The following DEFB1 variants were observed in gnomAD, a reference collection of about 807,000 sequenced individuals.
DEFB1 encodes the protein defensin beta 1, also known as beta-defensin 1.
Under a neutral mutation model 2.6 loss-of-function variants are expected in DEFB1, and 4 were observed. The ratio of observed to expected loss-of-function variants is 1.53; its 90% CI spans 0.76 to 3.51. The LOEUF (loss-of-function observed/expected upper bound fraction) is 3.51. Among genes scored for constraint, DEFB1 ranks in the 30% most tolerant of loss-of-function variants. The pLI is 0.01. For synonymous variants in DEFB1, 56 were observed against 28.5 expected, an observed-to-expected ratio of 1.96 and a Z score of -3.07; for missense variants, 162 against 76.9, an observed-to-expected ratio of 2.11 and a Z score of -4.14.
chr8:6,877,766 A>G (rs1225095417), intron 1 of DEFB1, 31 bp downstream of exon 1: 2 of 1,594,878 alleles, frequency 1.3e-6, no homozygotes, highest in South Asian at 1.1e-5. Flanking sequence ...AGCCCTGGGG[A>G]TGGGAAACTC....
At chr8:6,873,268 C>G (rs1354147044) in intron 1 of DEFB1, among the ~76,000 whole-genome samples, 2 of 152,228 alleles carry the variant, frequency 1.3e-5, no homozygotes, top group Non-Finnish European at 2.9e-5. Flanking sequence ...CCTGATCTCA[C>G]TTCAGTTCTC....
At position 6,870,790 on chromosome 8, in the gene DEFB1, T is replaced by A; in HGVS notation, c.98A>T (p.Asp33Val). The change falls in exon 2 of 2, where the codon GAT (aspartate) becomes GTT (valine). Residue 33 changes from aspartate to valine, a missense_variant. Coordinates refer to ENST00000297439, the MANE Select transcript of DEFB1 (RefSeq NM_005218.4). The stretch of plus-strand genomic sequence containing the variant: ...TCCACTGCTGACGCAATTGTAATGA[T>A]CAGATCTGTGGCCAAGGCCTGTGAG... ...NFLTGLGHRS[D>V]HYNCVSSGGQ... The A allele has an allele frequency of 6.2e-7, 1 of 1,614,130 alleles. No individual in the cohort carries two copies.
chr8:6,870,968 G>A (rs1584997035), intron 1 of DEFB1, 142 bp from the exon 2 acceptor site: 4 of 949,872 alleles, frequency 4.2e-6, no homozygotes, highest in South Asian at 1.8e-5. Flanking sequence ...TTGATCTTTG[G>A]GGCTACTCAT....
chr8:6,876,083 C>T (rs1347550752), intron 1 of DEFB1, among the ~76,000 whole-genome samples: 1 of 152,168 alleles, frequency 6.6e-6, no homozygotes, highest in Non-Finnish European at 1.5e-5. Flanking sequence ...CTCACTGCTA[C>T]TCAGTAAAAA....
intron 1 of DEFB1, among the ~76,000 whole-genome samples, chr8:6,871,418 T>C (rs1377403436): frequency 6.6e-6 from 1 of 152,144 alleles, no homozygotes; most frequent in Non-Finnish European, 1.5e-5. Context: ...CCAGATCTGA[T>C]AAATAGAGAC....
At chr8:6,874,084 G>T (rs1008180679) in intron 1 of DEFB1, among the ~76,000 whole-genome samples, 1 of 151,616 alleles carries the variant, frequency 6.6e-6, no homozygotes, top group Non-Finnish European at 1.5e-5. Context: ...TTGTGGACCA[G>T]GCAGCCCAAA....
At chr8:6,874,846 G>T (rs895823501) in intron 1 of DEFB1, among the ~76,000 whole-genome samples, 25 of 152,058 alleles carry the variant, frequency 1.6e-4, no homozygotes, top group African/African-American at 6.0e-4. Flanking sequence ...GCCAGGTGTG[G>T]TGACAGGCGC....
rs777472140 is a variant in DEFB1, at chr8:6,870,773, T to A, written c.115A>T (p.Ser39Cys). The change falls in exon 2 of 2, where the codon AGC becomes TGC. Residue 39 changes from serine to cysteine, a missense_variant. Physicochemically the swap from Ser to Cys is moderately radical, Grantham distance 112 (BLOSUM62 -1). Coordinates refer to ENST00000297439, the MANE Select transcript of DEFB1 (RefSeq NM_005218.4). ...GHRSDHYNCV[S>C]SGGQCLYSAC... Reference sequence around the variant, plus strand: ...GAATAGAGACATTGCCCTCCACTGCTGACGCAATTGTAATGATCAGATCTG... The same window carrying A: ...GAATAGAGACATTGCCCTCCACTGCAGACGCAATTGTAATGATCAGATCTG... 1.9e-6 allele frequency: 3 copies of A among 1,614,120 alleles called. No homozygotes were observed. In the East Asian group the frequency reaches 6.7e-5, roughly 36 times the overall value.
rs1799947 is a variant in DEFB1 at position 6,870,675 on chromosome 8, C to A, written c.*6G>T. On this transcript the variant is annotated 3_prime_UTR_variant, in exon 2 of 2. Transcript: ENST00000297439. ...TTCTGCGTCATTTCTTCTGGTCACTCCCAGCTCACTTGCAGCACTTGGCCT... is the reference window on the plus strand; with the variant it reads ...TTCTGCGTCATTTCTTCTGGTCACTACCAGCTCACTTGCAGCACTTGGCCT... 3 of 1,612,844 alleles carry A rather than the reference C, an allele frequency of 1.9e-6. No homozygotes were observed. Among genetic ancestry groups the A allele is most frequent in the Non-Finnish European group, 2.5e-6 (3 of 1,179,708 alleles).
intron 1 of DEFB1, among the ~76,000 whole-genome samples, chr8:6,874,327 T>A (rs1806438402): frequency 6.6e-6 from 1 of 150,468 alleles, no homozygotes; most frequent in African/African-American, 2.5e-5. Flanking sequence ...TGAGTGGAAA[T>A]GCTCTGTTAA....
At chr8:6,872,795 T>A (rs902357442) in intron 1 of DEFB1, among the ~76,000 whole-genome samples, 1 of 152,198 alleles carries the variant, frequency 6.6e-6, no homozygotes, top group African/African-American at 2.4e-5. Context: ...AATCTCGCCA[T>A]AATGTTGACC....
intron 1 of DEFB1, among the ~76,000 whole-genome samples, chr8:6,871,395 T>C (rs551599288): frequency 8.5e-5 from 13 of 152,138 alleles, no homozygotes; most frequent in Non-Finnish European, 1.9e-4. Flanking sequence ...TATTTTGCCC[T>C]TCTCCCAGTA....
intron 1 of DEFB1, among the ~76,000 whole-genome samples, chr8:6,874,074 T>C (rs556511284): frequency 6.6e-6 from 1 of 152,008 alleles, no homozygotes; most frequent in Admixed American, 6.6e-5. Context: ...TTTCCAATAA[T>C]TGTGGACCAG....
chr8:6,870,973 A>G, intron 1 of DEFB1, 147 bp from the exon 2 acceptor site: 2 of 917,112 alleles, frequency 2.2e-6, no homozygotes, highest in Non-Finnish European at 3.2e-6. Flanking sequence ...CTTTGGGGCT[A>G]CTCATGAAAT....
intron 1 of DEFB1, among the ~76,000 whole-genome samples, chr8:6,875,148 A>T (rs1223668212): frequency 6.6e-6 from 1 of 151,996 alleles, no homozygotes; most frequent in Admixed American, 6.6e-5. Flanking sequence ...ATGTAAAAAG[A>T]AAAAGGATAA....
At chr8:6,872,649 C>A (rs2117210038) in intron 1 of DEFB1, among the ~76,000 whole-genome samples, 1 of 152,248 alleles carries the variant, frequency 6.6e-6, no homozygotes, top group African/African-American at 2.4e-5. Flanking sequence ...TTCTCCCATC[C>A]CAGTACTCAG....
intron 1 of DEFB1, among the ~76,000 whole-genome samples, chr8:6,873,307 T>A (rs538560639): frequency 6.6e-6 from 1 of 152,346 alleles, no homozygotes; most frequent in East Asian, 1.9e-4. Context: ...GCTGGTTGAC[T>A]GTGGTGTCAC....
chr8:6,876,484 C>G (rs888621734), intron 1 of DEFB1, among the ~76,000 whole-genome samples: 3 of 150,124 alleles, frequency 2.0e-5, no homozygotes, highest in South Asian at 4.2e-4. Context: ...CTCAAAAAAA[C>G]AAAACAAAAC....
In DEFB1 at chr8:6,870,892, C is replaced by T. The variant is rs575429899; in HGVS notation, c.62-66G>A. ...TAGCTGCAACGATTTGAGAACATCT[C>T]GCGAAAGCAGAACAAATAACTGCAA... On this transcript the variant is annotated intron_variant, in intron 1 of 1. Transcript: ENST00000297439. The T allele has an allele frequency of 1.2e-4, 181 of 1,522,870 alleles. No homozygotes were observed. In the African/African-American group the frequency reaches 1.5e-3, roughly 12 times the overall value. 94.3% of individuals were successfully genotyped at this position (1,522,870 alleles called of 1,614,324 possible).
Sources: allele counts gnomAD v4.1 joint callset (sites outside exome capture counted in the v4.1 genomes callset), GRCh38; gene constraint gnomAD v4.1.1; transcripts MANE v1.5; gene names NCBI Gene and HGNC (gene_info 2026-07-23, HGNC 2026-07-21).